The following GJC1 variants were observed in gnomAD, a reference collection of about 807,000 sequenced individuals.
GJC1 encodes gap junction protein gamma 1, also known as gap junction gamma-1 protein.
Under a neutral mutation model 29.3 loss-of-function variants are expected in GJC1, and 5 were observed. That is an observed-to-expected ratio of 0.17 (90% CI 0.09 to 0.36). The LOEUF is 0.36. GJC1 is among the 10% of genes least tolerant of loss of function. The pLI, the probability that GJC1 is intolerant of heterozygous loss-of-function variation, is 1.00. For missense variants in GJC1, 310 were observed against 496.2 expected (o/e 0.62, Z 3.56); for synonymous variants, 177 against 183.3 (o/e 0.97, Z 0.28).
At chr17:44,798,213 G>T (rs541400273), downstream of GJC1, among the ~76,000 whole-genome samples, 4 of 152,158 alleles carry the variant, frequency 2.6e-5, no homozygotes, top group Non-Finnish European at 5.9e-5. Context: ...ATGAAAAAAG[G>T]CATCTTTTAA....
chr17:44,828,961 T>A (rs1224614752), intron 1 of GJC1, among the ~76,000 whole-genome samples: 1 of 151,868 alleles, frequency 6.6e-6, no homozygotes, highest in African/African-American at 2.4e-5. Flanking sequence ...CTTTCATTTA[T>A]GTAGTTTGAT....
chr17:44,830,430 C>T (rs2050221353), upstream of GJC1, among the ~76,000 whole-genome samples: 1 of 152,026 alleles, frequency 6.6e-6, no homozygotes, highest in Non-Finnish European at 1.5e-5. This position sits in a 1 kb window ranked among gnomAD's most constrained non-coding sequence, Gnocchi z 4.3. Context: ...TTTCCGCGGT[C>T]GAGTCCTCGC....
intron 1 of GJC1, among the ~76,000 whole-genome samples, chr17:44,811,380 C>T (rs1366385224): frequency 6.7e-6 from 1 of 150,262 alleles, no homozygotes; most frequent in Admixed American, 6.6e-5. Context: ...CTGCACCTGG[C>T]CTTTTTTCTT....
At chr17:44,816,265 CATTT>C (rs1012793949) in intron 1 of GJC1, among the ~76,000 whole-genome samples, 1 of 151,502 alleles carries the variant, frequency 6.6e-6, no homozygotes, top group East Asian at 1.9e-4. Context: ...GCTTATATAA[CATTT>C]ATTAGACAGA....
In GJC1 at chr17:44,805,967, C is replaced by CA. The variant is rs2049908276; in HGVS notation, c.-20-131dup. 1 of 591,874 alleles carries CA rather than the reference C, an allele frequency of 1.7e-6. No homozygotes were observed. The highest frequency in any genetic ancestry group is 1.9e-5 in the African/African-American group (1 of 53,498). 36.7% of individuals were successfully genotyped at this position (591,874 alleles called of 1,614,324 possible). On this transcript the variant is annotated intron_variant, in intron 2 of 2. Transcript: ENST00000592524. The surrounding 1 kb of genome is among the most constrained non-coding windows in gnomAD (Gnocchi z 5.1). ...TCTAACCTCAAGGTTCACAGTGGAA[C>CA]AAATGTTAGAATAAACAGCATCTCA...
chr17:44,830,589 C>G, upstream of GJC1: 1 of 398,656 alleles, frequency 2.5e-6, no homozygotes, highest in Non-Finnish European at 4.4e-6. The surrounding 1 kb of genome is among the most constrained non-coding windows in gnomAD (Gnocchi z 4.3). Context: ...CCGCCAGCCG[C>G]GCCTCAGTTT....
intron 1 of GJC1, among the ~76,000 whole-genome samples, chr17:44,828,618 G>A (rs1326669809): frequency 2.0e-5 from 3 of 152,158 alleles, no homozygotes; most frequent in Non-Finnish European, 2.9e-5. Context: ...ACCCAGAAAA[G>A]TTAGTTCGTG....
At chr17:44,825,119 G>A (rs2050158650) in intron 1 of GJC1, among the ~76,000 whole-genome samples, 1 of 144,592 alleles carries the variant, frequency 6.9e-6, no homozygotes, top group East Asian at 2.2e-4. Context: ...GGATGCTGTG[G>A]TGGAAGGATC....
In GJC1 at chr17:44,798,653, T is replaced by C. The variant is rs1483476913; in HGVS notation, c.*5974A>G. ...ACACCACATGACATTAGATTGCTGG[T>C]TAACCATTTAATTTTACATTTAAAT... On this transcript the variant is annotated 3_prime_UTR_variant, in exon 3 of 3. Coordinates refer to ENST00000592524, the MANE Select transcript of GJC1 (RefSeq NM_005497.4). 5 of 152,232 alleles carry C rather than the reference T, an allele frequency of 3.3e-5. No homozygotes were observed. Among genetic ancestry groups the C allele is most frequent in the South Asian group, 4.1e-4 (2 of 4,834 alleles). The allele number at this position is 152,232 out of a possible 1,614,324, so 9.4% of individuals were successfully genotyped here.
At chr17:44,827,809 C>T (rs1271222942) in intron 1 of GJC1, among the ~76,000 whole-genome samples, 1 of 151,846 alleles carries the variant, frequency 6.6e-6, no homozygotes, top group Non-Finnish European at 1.5e-5. Flanking sequence ...GTGGCGGGTA[C>T]CTGTAGTCCC....
At chr17:44,821,723 AAAC>A (rs1201555540) in intron 1 of GJC1, among the ~76,000 whole-genome samples, 12 of 141,760 alleles carry the variant, frequency 8.5e-5, no homozygotes, top group Middle Eastern at 3.5e-3. Context: ...AAAAAAAAAA[AAAC>A]AACAAAAAAA....
intron 1 of GJC1, among the ~76,000 whole-genome samples, chr17:44,827,298 C>T (rs1194372276): frequency 6.6e-6 from 1 of 152,006 alleles, no homozygotes; most frequent in Non-Finnish European, 1.5e-5. Context: ...AGCACCATTG[C>T]ACTCCAGCCT....
downstream of GJC1, chr17:44,797,707 G>GT (rs1272377970): frequency 6.6e-6 from 1 of 152,194 alleles, no homozygotes; most frequent in African/African-American, 2.4e-5. Context: ...TTCAAACTCT[G>GT]TGTAGCAAAG....
chr17:44,798,169 G>A (rs1250436652), downstream of GJC1, among the ~76,000 whole-genome samples: 2 of 152,104 alleles, frequency 1.3e-5, no homozygotes, highest in Non-Finnish European at 2.9e-5. Context: ...GACCTATTTA[G>A]CCACAGTAGT....
chr17:44,805,562 T>C lies in GJC1; in HGVS notation c.256A>G (p.Thr86Ala), dbSNP rs778636074. 6 of 1,614,010 alleles carry C rather than the reference T, an allele frequency of 3.7e-6. No individual in the cohort carries two copies. In the East Asian group the frequency reaches 1.1e-4, roughly 30 times the overall value. Residue 86 changes from threonine to alanine, a missense_variant, in exon 3 of 3, where the codon ACT (threonine) becomes GCT (alanine). Thr to Ala is a moderately conservative substitution (Grantham distance 58). Transcript: ENST00000592524. The surrounding 1 kb of genome is among the most constrained non-coding windows in gnomAD (Gnocchi z 5.1). ...TAGCCCAGGTACATCACAGAGGGAGTTGCCACCAGGATGATCTGGAACACC... is the reference window on the plus strand; with the variant it reads ...TAGCCCAGGTACATCACAGAGGGAGCTGCCACCAGGATGATCTGGAACACC... ...FWVFQIILVATPSVMYLGYAI... is the reference protein window; with the variant it reads ...FWVFQIILVAAPSVMYLGYAI...
intron 1 of GJC1, among the ~76,000 whole-genome samples, chr17:44,828,295 T>TC (rs1163436737): frequency 6.6e-6 from 1 of 152,200 alleles, no homozygotes; most frequent in African/African-American, 2.4e-5. Context: ...AATTACCAGG[T>TC]CCTTTGCTCC....
chr17:44,825,775 A>C (rs1306492228), intron 1 of GJC1, among the ~76,000 whole-genome samples: 1 of 125,304 alleles, frequency 8.0e-6, no homozygotes, highest in African/African-American at 2.9e-5. Flanking sequence ...ACTCAGTCTC[A>C]AAAGAAAAAA....
rs568164690 is a variant in GJC1 at position 44,811,466 on chromosome 17, G to A, written c.-96-3997C>T. Among the ~76,000 whole-genome samples the A allele has an allele frequency of 7.4e-4, 111 of 149,536 alleles. 1 individual carries two copies. The highest frequency in any genetic ancestry group is 1.4e-3 in the Non-Finnish European group (97 of 67,554). ...TGCAGCGGCACCTGGGCTCACTGTAGCCTCAGCCTCCCCAGGTTCAGGTGA... is the reference window on the plus strand; with the variant it reads ...TGCAGCGGCACCTGGGCTCACTGTAACCTCAGCCTCCCCAGGTTCAGGTGA... On this transcript the variant is annotated intron_variant, in intron 1 of 2. Coordinates refer to ENST00000592524, the MANE Select transcript of GJC1 (RefSeq NM_005497.4).
At position 44,823,815 on chromosome 17, in the gene GJC1, G is replaced by A. The variant is rs181071103; in HGVS notation, c.-97+6247C>T. ...CAACCTCTGCCTCCCAGGTTCAAGC[G>A]ATTCTCCTGCCGCAGCCTCCTAAGT... On this transcript the variant is annotated intron_variant, in intron 1 of 2. Transcript: ENST00000592524. Among the ~76,000 whole-genome samples the A allele has an allele frequency of 3.0e-4, 45 of 151,540 alleles. 1 individual carries two copies. In the East Asian group the frequency reaches 6.1e-3, roughly 20 times the overall value.
Sources: allele counts gnomAD v4.1 joint callset (sites outside exome capture counted in the v4.1 genomes callset), GRCh38; gene constraint gnomAD v4.1.1; non-coding constraint Gnocchi (gnomAD v3.1); transcripts MANE v1.5; gene names NCBI Gene and HGNC (gene_info 2026-07-23, HGNC 2026-07-21).